The following DIAPH2 variants were observed in gnomAD, a reference collection of about 807,000 sequenced individuals.
DIAPH2 encodes the protein protein diaphanous homolog 2.
A neutral mutation model predicts 92.7 loss-of-function variants in DIAPH2; 35 were observed. The observed-to-expected ratio is 0.38, with a 90% CI of 0.29 to 0.50. The LOEUF (loss-of-function observed/expected upper bound fraction) is 0.50. DIAPH2 is among the 20% of genes least tolerant of loss of function. The pLI is 0.94. For missense variants in DIAPH2, 701 were observed against 819.5 expected (o/e 0.86, Z 1.77); for synonymous variants, 301 against 280.4 (o/e 1.07, Z -0.73).
chrX:97,441,576 C>T (rs903291791), intron 26 of DIAPH2, among the ~76,000 whole-genome samples: 1 of 111,151 alleles, frequency 9.0e-6, no homozygotes, highest in Admixed American at 9.5e-5. Flanking sequence ...CCAGCACTTT[C>T]GGAGGCTGAG....
chrX:97,318,255 C>T, intron 23 of DIAPH2, among the ~76,000 whole-genome samples: 1 of 110,068 alleles, frequency 9.1e-6, no homozygotes, highest in African/African-American at 3.3e-5. Context: ...TCTCCTGCCT[C>T]AGCCTCCCGA....
chrX:96,984,925 C>T (rs771155033), intron 17 of DIAPH2, among the ~76,000 whole-genome samples: 2 of 111,386 alleles, frequency 1.8e-5, no homozygotes, highest in East Asian at 5.6e-4. Context: ...AAAACCTGTA[C>T]GACAATGTTG....
intron 4 of DIAPH2, among the ~76,000 whole-genome samples, chrX:96,781,213 A>G (rs2064415558): frequency 8.9e-6 from 1 of 111,824 alleles, no homozygotes; most frequent in African/African-American, 3.3e-5. Context: ...GGTCATGAGA[A>G]GCAGCAGGTA....
chrX:96,908,223 A>C, intron 5 of DIAPH2, among the ~76,000 whole-genome samples: 1 of 111,861 alleles, frequency 8.9e-6, no homozygotes, highest in Middle Eastern at 4.6e-3. Flanking sequence ...TAAAATGATA[A>C]ATTTTACTAT....
chrX:97,317,757 C>A (rs2068851973), intron 23 of DIAPH2, among the ~76,000 whole-genome samples: 2 of 112,093 alleles, frequency 1.8e-5, no homozygotes, highest in African/African-American at 6.5e-5. Flanking sequence ...TATCTGCATT[C>A]CTTTCTACTT....
intron 23 of DIAPH2, among the ~76,000 whole-genome samples, chrX:97,282,141 C>T (rs150957697): frequency 5.2e-4 from 58 of 111,621 alleles, no homozygotes; most frequent in African/African-American, 1.9e-3. Flanking sequence ...CAGAGTTCAA[C>T]AGTAAACTAG....
chrX:97,260,957 A>C (rs1164700614), intron 23 of DIAPH2, among the ~76,000 whole-genome samples: 1 of 112,386 alleles, frequency 8.9e-6, no homozygotes, highest in African/African-American at 3.2e-5. Context: ...AAAACACTGG[A>C]TCAGTCTTTT....
At chrX:96,858,709 T>C (rs2065055009) in intron 4 of DIAPH2, among the ~76,000 whole-genome samples, 1 of 112,043 alleles carries the variant, frequency 8.9e-6, no homozygotes, top group African/African-American at 3.2e-5. Flanking sequence ...TAAATCTAGA[T>C]GTGACTTACA....
chrX:97,554,676 G>A (rs1028180663), intron 26 of DIAPH2, among the ~76,000 whole-genome samples: 17 of 111,653 alleles, frequency 1.5e-4, no homozygotes, highest in Non-Finnish European at 3.0e-4. Context: ...TTTGAATCCT[G>A]GCTTTGCAAC....
At position 96,718,336 on chromosome X, in the gene DIAPH2, G is replaced by GTTTTTTTTTTTTTTTTTTTTT. The variant is rs962776012; in HGVS notation, c.133-17404_133-17384dup. Among the ~76,000 whole-genome samples, 4 of 10,993 alleles carry GTTTTTTTTTTTTTTTTTTTTT rather than the reference G, an allele frequency of 3.6e-4. 1 individual carries two copies. Among genetic ancestry groups the GTTTTTTTTTTTTTTTTTTTTT allele is most frequent in the Non-Finnish European group, 5.5e-4 (4 of 7,216 alleles). The allele number at this position is 10,993 out of a possible 115,157, so 9.5% of individuals were successfully genotyped here. ...TGTATATATGTACCACATTTTCTTT[G>GTTTTTTTTTTTTTTTTTTTTT]TTTTTTTTTTTTTTTTTTTTTTTTT... On this transcript the variant is annotated intron_variant, in intron 1 of 26. Transcript: ENST00000324765.
chrX:97,401,350 A>T (rs2069755087), intron 25 of DIAPH2, among the ~76,000 whole-genome samples: 1 of 110,102 alleles, frequency 9.1e-6, no homozygotes, highest in African/African-American at 3.3e-5. Flanking sequence ...TCATTTTCTG[A>T]TTTAGGGCCT....
At chrX:96,929,046 C>A (rs2065602219) in intron 9 of DIAPH2, among the ~76,000 whole-genome samples, 1 of 111,419 alleles carries the variant, frequency 9.0e-6, no homozygotes, top group Admixed American at 9.6e-5. Flanking sequence ...GCTAGAATTT[C>A]TTCTGGCAAA....
intron 26 of DIAPH2, among the ~76,000 whole-genome samples, chrX:97,452,971 A>T (rs141124116): frequency 1.8e-5 from 2 of 112,016 alleles, no homozygotes; most frequent in African/African-American, 3.2e-5. Context: ...GTTTTCCATT[A>T]TTAAAGGTAA....
intron 23 of DIAPH2, among the ~76,000 whole-genome samples, chrX:97,263,554 CTGTTATTT>C (rs1373956096): frequency 5.3e-5 from 5 of 94,114 alleles, no homozygotes; most frequent in African/African-American, 1.9e-4. Context: ...GATGTTCCAA[CTGTTATTT>C]ATTTATTTAT....
intron 25 of DIAPH2, among the ~76,000 whole-genome samples, chrX:97,415,290 T>C (rs1425317915): frequency 2.7e-5 from 3 of 111,903 alleles, no homozygotes; most frequent in Admixed American, 1.9e-4. Flanking sequence ...TGGAAGACAG[T>C]GTGGCGATTC....
chrX:96,917,486 G>A (rs191007467), intron 8 of DIAPH2, among the ~76,000 whole-genome samples: 2 of 111,389 alleles, frequency 1.8e-5, no homozygotes, highest in African/African-American at 6.5e-5. Flanking sequence ...ATATGTAAAA[G>A]CAAGGATCCT....
At chrX:97,170,591 G>A (rs1005478020) in intron 22 of DIAPH2, among the ~76,000 whole-genome samples, 6 of 110,978 alleles carry the variant, frequency 5.4e-5, no homozygotes, top group Non-Finnish European at 9.4e-5. Context: ...GGGAGGAATT[G>A]GTAATAAGAA....
chrX:96,854,596 CTCAT>C (rs1217622168), intron 4 of DIAPH2, among the ~76,000 whole-genome samples: 1 of 60,655 alleles, frequency 1.6e-5, no homozygotes, highest in African/African-American at 6.9e-5. Flanking sequence ...CTCTCTCTCT[CTCAT>C]ATATATATAT....
intron 23 of DIAPH2, among the ~76,000 whole-genome samples, chrX:97,334,597 T>C (rs1487656599): frequency 9.1e-6 from 1 of 109,833 alleles, no homozygotes; most frequent in Non-Finnish European, 1.9e-5. Context: ...GGAAGTTACT[T>C]CCTTGTGAAA....
Sources: allele counts gnomAD v4.1 joint callset (sites outside exome capture counted in the v4.1 genomes callset), GRCh38; gene constraint gnomAD v4.1.1; transcripts MANE v1.5; gene names NCBI Gene and HGNC (gene_info 2026-07-23, HGNC 2026-07-21).